The following POC1B variants were observed in gnomAD, a reference collection of about 807,000 sequenced individuals.
POC1B encodes the protein POC1 centriolar protein homolog B.
In POC1B, 44 loss-of-function variants were observed where a neutral mutation model predicts 60.6. The ratio of observed to expected loss-of-function variants is 0.73; its 90% CI spans 0.57 to 0.93. The LOEUF (loss-of-function observed/expected upper bound fraction) is 0.93. POC1B is among the 40% of genes least tolerant of loss of function. The probability of loss-of-function intolerance (pLI) is 0.00; values close to 1 mark genes in which losing one functional copy is unlikely to be tolerated. For synonymous variants in POC1B, 180 were observed against 198.9 expected, an observed-to-expected ratio of 0.90 and a Z score of 0.80; for missense variants, 555 against 572.3, an observed-to-expected ratio of 0.97 and a Z score of 0.31.
intron 4 of POC1B, among the ~76,000 whole-genome samples, chr12:89,486,237 G>A (rs145329677): frequency 6.6e-6 from 1 of 152,182 alleles, no homozygotes; most frequent in East Asian, 1.9e-4. Context: ...CTTGTAATTC[G>A]AAGTCTAATA....
intron 4 of POC1B, among the ~76,000 whole-genome samples, chr12:89,476,653 C>A (rs113040482): frequency 6.6e-6 from 1 of 151,630 alleles, no homozygotes; most frequent in African/African-American, 2.4e-5. Flanking sequence ...GAGCCAAGAT[C>A]GCACCACTGC....
At chr12:89,515,813 T>C (rs924751656) in intron 2 of POC1B, among the ~76,000 whole-genome samples, 12 of 152,184 alleles carry the variant, frequency 7.9e-5, no homozygotes, top group Admixed American at 6.5e-4. Context: ...ATGTTCTCCA[T>C]TGAGGCTCTC....
chr12:89,441,405 C>T (rs1190466719), intron 10 of POC1B, among the ~76,000 whole-genome samples: 1 of 152,184 alleles, frequency 6.6e-6, no homozygotes, highest in Non-Finnish European at 1.5e-5. Flanking sequence ...GGGTCCCCCT[C>T]TGAGACGAAG....
chr12:89,424,142 A>C (rs1490019717), intron 11 of POC1B, among the ~76,000 whole-genome samples: 1 of 152,240 alleles, frequency 6.6e-6, no homozygotes, highest in Non-Finnish European at 1.5e-5. Context: ...TCTTTCTCAC[A>C]ATCTGTCAGA....
chr12:89,445,467 T>A (rs1881738318), intron 10 of POC1B, among the ~76,000 whole-genome samples: 1 of 152,156 alleles, frequency 6.6e-6, no homozygotes, highest in Admixed American at 6.5e-5. Flanking sequence ...TCTACCACCA[T>A]CTGATCTTTG....
chr12:89,474,910 T>C (rs1883045523), intron 4 of POC1B, among the ~76,000 whole-genome samples: 1 of 152,172 alleles, frequency 6.6e-6, no homozygotes, highest in East Asian at 1.9e-4. Flanking sequence ...ACAGACATGG[T>C]CCCTGTCCTT....
intron 2 of POC1B, among the ~76,000 whole-genome samples, chr12:89,518,075 C>T (rs1471906488): frequency 1.3e-5 from 2 of 151,842 alleles, no homozygotes; most frequent in African/African-American, 4.8e-5. Flanking sequence ...AGAAGGACTG[C>T]TCTAATTTTC....
At position 89,470,346 on chromosome 12, in the gene POC1B, T is replaced by C; in HGVS notation, c.810+15A>G. Reference sequence around the variant, plus strand: ...TATTTTTATATATAAAAAGCAAGAATCTGAGTGTTAATACCGTATGTCCTT... The same window carrying C: ...TATTTTTATATATAAAAAGCAAGAACCTGAGTGTTAATACCGTATGTCCTT... On this transcript the variant is annotated intron_variant, in intron 7 of 11. Coordinates refer to ENST00000313546, the MANE Select transcript of POC1B (RefSeq NM_172240.3). 1 of 1,323,300 alleles carries C rather than the reference T, an allele frequency of 7.6e-7. No individual in the cohort carries two copies. Among genetic ancestry groups the C allele is most frequent in the East Asian group, 2.8e-5 (1 of 35,690 alleles). The allele number at this position is 1,323,300 out of a possible 1,614,324, so 82.0% of individuals were successfully genotyped here.
intron 2 of POC1B, chr12:89,519,675 T>A (rs1870683606): frequency 6.6e-6 from 1 of 150,572 alleles, no homozygotes; most frequent in South Asian, 2.1e-4. Flanking sequence ...AAATAAGCTG[T>A]CTTCATCCTA....
chr12:89,449,930 C>T (rs550401449), intron 10 of POC1B, among the ~76,000 whole-genome samples: 3 of 152,144 alleles, frequency 2.0e-5, no homozygotes, highest in South Asian at 2.1e-4. Context: ...TGAAACAATA[C>T]AAATTGAGGG....
downstream of POC1B, among the ~76,000 whole-genome samples, chr12:89,415,876 A>G (rs575918943): frequency 1.1e-4 from 17 of 152,254 alleles, no homozygotes; most frequent in Non-Finnish European, 2.1e-4. Flanking sequence ...AAGACTGTCT[A>G]CGTAACTGCT....
chr12:89,408,851 G>A, the POC1B span, among the ~76,000 whole-genome samples: 3 of 152,114 alleles, frequency 2.0e-5, no homozygotes, highest in Non-Finnish European at 4.4e-5. Flanking sequence ...TTGCGGTTTT[G>A]ATTTGCATTT....
intron 10 of POC1B, among the ~76,000 whole-genome samples, chr12:89,431,179 G>A (rs1197083020): frequency 6.6e-6 from 1 of 152,066 alleles, no homozygotes; most frequent in East Asian, 1.9e-4. Flanking sequence ...CAATCAGTTG[G>A]TTAAAATAAG....
chr12:89,439,035 C>T (rs1276387811), intron 10 of POC1B, among the ~76,000 whole-genome samples: 1 of 152,180 alleles, frequency 6.6e-6, no homozygotes, highest in African/African-American at 2.4e-5. Flanking sequence ...CACTTCTTAC[C>T]CCTGCTTACA....
intron 4 of POC1B, among the ~76,000 whole-genome samples, chr12:89,480,109 T>G (rs1565742919): frequency 6.6e-6 from 1 of 151,886 alleles, no homozygotes. Flanking sequence ...TTATATTATG[T>G]TTTGAAAACT....
intron 9 of POC1B, among the ~76,000 whole-genome samples, chr12:89,464,763 A>C (rs1882620144): frequency 6.6e-6 from 1 of 151,212 alleles, no homozygotes; most frequent in Admixed American, 6.6e-5. Flanking sequence ...TGGGATTACA[A>C]ACATGAGCCA....
chr12:89,424,664 T>C (rs1880680903), intron 11 of POC1B, among the ~76,000 whole-genome samples: 1 of 152,174 alleles, frequency 6.6e-6, no homozygotes, highest in Non-Finnish European at 1.5e-5. Context: ...ACCAAGAATT[T>C]TGGTATATTA....
chr12:89,450,232 G>C (rs901625835), intron 10 of POC1B, among the ~76,000 whole-genome samples: 3 of 151,330 alleles, frequency 2.0e-5, no homozygotes, highest in African/African-American at 4.9e-5. Context: ...TTTTGAGATG[G>C]AGTCTTGCAC....
At chr12:89,447,480 TGA>T (rs1671884332) in intron 10 of POC1B, among the ~76,000 whole-genome samples, 1 of 152,164 alleles carries the variant, frequency 6.6e-6, no homozygotes, top group Admixed American at 6.5e-5. Context: ...AGTACAAATC[TGA>T]GAGAGCATAT....
Sources: allele counts gnomAD v4.1 joint callset (sites outside exome capture counted in the v4.1 genomes callset), GRCh38; gene constraint gnomAD v4.1.1; transcripts MANE v1.5; gene names NCBI Gene and HGNC (gene_info 2026-07-23, HGNC 2026-07-21).